The following TMEM135 variants were observed in gnomAD, a reference collection of about 807,000 sequenced individuals.
The protein encoded by TMEM135 is transmembrane protein 135, also known as peroxisomal membrane protein 52.
In TMEM135, 30 loss-of-function variants were observed where a neutral mutation model predicts 60.3. That is an observed-to-expected ratio of 0.50 (90% CI 0.37 to 0.68). The LOEUF (loss-of-function observed/expected upper bound fraction) is 0.68, where lower values mean the gene tolerates loss of function less well. Ranked by LOEUF, TMEM135 falls within the 30% of genes least tolerant of loss-of-function variation. The probability of loss-of-function intolerance (pLI) is 0.00; values close to 1 mark genes in which losing one functional copy is unlikely to be tolerated. For missense variants in TMEM135, 468 were observed against 548.8 expected, an observed-to-expected ratio of 0.85 and a Z score of 1.47; for synonymous variants, 190 against 186.7, an observed-to-expected ratio of 1.02 and a Z score of -0.14.
At chr11:87,207,173 T>G (rs550010895) in intron 5 of TMEM135, among the ~76,000 whole-genome samples, 23 of 152,320 alleles carry the variant, frequency 1.5e-4, no homozygotes, top group Non-Finnish European at 3.1e-4. Context: ...TTTTGGAACA[T>G]GCAACTCAGA....
At chr11:87,287,185 G>T (rs1158564560) in intron 6 of TMEM135, among the ~76,000 whole-genome samples, 1 of 152,166 alleles carries the variant, frequency 6.6e-6, no homozygotes, top group African/African-American at 2.4e-5. Flanking sequence ...AACTCATGAA[G>T]TACAAATAGA....
At chr11:87,259,934 G>A (rs1941613613) in intron 6 of TMEM135, among the ~76,000 whole-genome samples, 1 of 152,160 alleles carries the variant, frequency 6.6e-6, no homozygotes, top group Non-Finnish European at 1.5e-5. Flanking sequence ...TGGTGGCTGA[G>A]TGCTGGCTGT....
At chr11:87,140,035 T>G (rs1938219928) in intron 4 of TMEM135, among the ~76,000 whole-genome samples, 1 of 152,050 alleles carries the variant, frequency 6.6e-6, no homozygotes, top group Admixed American at 6.6e-5. Flanking sequence ...TTGCAGATAT[T>G]TTTTCAGAGT....
intron 3 of TMEM135, among the ~76,000 whole-genome samples, chr11:87,089,105 C>T (rs1857154921): frequency 6.6e-6 from 1 of 152,148 alleles, no homozygotes; most frequent in Non-Finnish European, 1.5e-5. Flanking sequence ...TATGTTTAGA[C>T]TTGGATCTCA....
At chr11:87,236,851 A>C (rs189428343) in intron 6 of TMEM135, among the ~76,000 whole-genome samples, 167 bp downstream of exon 6, 150 of 150,848 alleles carry the variant, frequency 9.9e-4, no homozygotes, top group African/African-American at 3.6e-3. Flanking sequence ...CTCCTTTGTG[A>C]GTTAAGAAAA....
chr11:87,260,234 C>G (rs1354893361), intron 6 of TMEM135, among the ~76,000 whole-genome samples: 1 of 152,166 alleles, frequency 6.6e-6, no homozygotes, highest in African/African-American at 2.4e-5. Flanking sequence ...ATTGGAAACA[C>G]AATTGTTAAC....
rs970373477 is a variant in TMEM135 at position 87,038,148 on chromosome 11, C to T, written c.103C>T (p.Leu35=). The change falls in exon 1 of 15, where the codon CTG becomes TTG. Residue 35 remains leucine, a synonymous_variant. Transcript: ENST00000305494. ...CTTCCTGCAGATCACCGGGGGCGCC[C>T]TGGAGGAGTCCCTGAAGATCTATGC... The part of the protein sequence containing the change: ...VSFLQITGGA[L]EESLKIYAPL... The T allele has an allele frequency of 2.0e-5, 32 of 1,614,150 alleles. No homozygotes were observed. Among genetic ancestry groups the T allele is most frequent in the Non-Finnish European group, 2.3e-5 (27 of 1,180,034 alleles).
At chr11:87,247,316 T>C (rs533900895) in intron 6 of TMEM135, among the ~76,000 whole-genome samples, 60 of 152,372 alleles carry the variant, frequency 3.9e-4, no homozygotes, top group Admixed American at 3.8e-3. Context: ...AGGGACCCAC[T>C]TAAGGAGGCA....
At chr11:87,109,025 A>G (rs533330663) in intron 4 of TMEM135, among the ~76,000 whole-genome samples, 10 of 152,322 alleles carry the variant, frequency 6.6e-5, no homozygotes, top group Admixed American at 2.0e-4. Context: ...AATAGAAAGC[A>G]GGTATGTGGT....
At chr11:87,287,014 T>A (rs117868288) in intron 6 of TMEM135, among the ~76,000 whole-genome samples, 3,870 of 152,310 alleles carry the variant, frequency 0.025, 61 homozygotes, top group Admixed American at 0.038. Context: ...ATTTTAAGAA[T>A]TATCAATGTG....
chr11:87,253,766 A>G (rs931357649), intron 6 of TMEM135, among the ~76,000 whole-genome samples: 2 of 149,578 alleles, frequency 1.3e-5, no homozygotes, highest in Non-Finnish European at 3.0e-5. Flanking sequence ...TCAAATTGGC[A>G]CTGTGTAATC....
intron 6 of TMEM135, among the ~76,000 whole-genome samples, chr11:87,285,621 C>T (rs1490065459): frequency 6.6e-6 from 1 of 152,264 alleles, no homozygotes; most frequent in East Asian, 1.9e-4. Flanking sequence ...AGCTGCAGAC[C>T]TTTGCAGTAA....
chr11:87,112,918 GATTA>G (rs1185401967), intron 4 of TMEM135, among the ~76,000 whole-genome samples: 1 of 151,936 alleles, frequency 6.6e-6, no homozygotes, highest in African/African-American at 2.4e-5. Flanking sequence ...TATCAGAAAT[GATTA>G]ATTGAGGAAT....
At chr11:87,167,737 G>A (rs562897470) in intron 5 of TMEM135, among the ~76,000 whole-genome samples, 4 of 152,220 alleles carry the variant, frequency 2.6e-5, no homozygotes, top group South Asian at 2.1e-4. Context: ...TTTTCGCATC[G>A]ATGTTCATCA....
intron 6 of TMEM135, among the ~76,000 whole-genome samples, chr11:87,260,470 C>T (rs1008473775): frequency 2.6e-5 from 4 of 152,124 alleles, no homozygotes; most frequent in Non-Finnish European, 5.9e-5. Context: ...GTTGAAATTA[C>T]TTGAATGCTA....
intron 12 of TMEM135, among the ~76,000 whole-genome samples, chr11:87,315,524 A>G (rs2135452943): frequency 6.6e-6 from 1 of 152,090 alleles, no homozygotes; most frequent in African/African-American, 2.4e-5. Context: ...AAGGTTCCCC[A>G]GTAGCCCTAT....
At chr11:87,290,467 T>C (rs1341395999) in intron 6 of TMEM135, among the ~76,000 whole-genome samples, 1 of 152,162 alleles carries the variant, frequency 6.6e-6, no homozygotes, top group Non-Finnish European at 1.5e-5. Context: ...GAACTACAAA[T>C]TCTTCCAAAA....
At chr11:87,247,864 GTACTGCACCCACTC>G (rs1382777719) in intron 6 of TMEM135, among the ~76,000 whole-genome samples, 4 of 151,940 alleles carry the variant, frequency 2.6e-5, no homozygotes, top group African/African-American at 4.8e-5. Flanking sequence ...TGCACCCACT[GTACTGCACCCACTC>G]TCTGGCACTC....
intron 3 of TMEM135, among the ~76,000 whole-genome samples, chr11:87,084,144 G>T (rs78691700): frequency 6.6e-6 from 1 of 151,988 alleles, no homozygotes; most frequent in African/African-American, 2.4e-5. Flanking sequence ...TATTGATTAC[G>T]CATCTAATTA....
Sources: allele counts gnomAD v4.1 joint callset (sites outside exome capture counted in the v4.1 genomes callset), GRCh38; gene constraint gnomAD v4.1.1; transcripts MANE v1.5; gene names NCBI Gene and HGNC (gene_info 2026-07-23, HGNC 2026-07-21).